The following ADAM32 variants were observed in gnomAD, a reference collection of about 807,000 sequenced individuals.
ADAM32 encodes disintegrin and metalloproteinase domain-containing protein 32.
ADAM32 carries 89 observed loss-of-function variants against 114.9 expected under a neutral mutation model. The observed-to-expected ratio is 0.77, with a 90% CI of 0.65 to 0.92. The LOEUF is 0.92. Among genes scored for constraint, ADAM32 ranks in the 40% least tolerant of loss-of-function variants. ADAM32 has a pLI of 0.00. For synonymous variants in ADAM32, 285 were observed against 307.5 expected (o/e 0.93, Z 0.77); for missense variants, 870 against 932.8 (o/e 0.93, Z 0.88).
intron 16 of ADAM32, among the ~76,000 whole-genome samples, chr8:39,241,934 G>A (rs1810588864): frequency 6.6e-6 from 1 of 152,130 alleles, no homozygotes; most frequent in African/African-American, 2.4e-5. Context: ...CCAAACTTTT[G>A]TGATCTGTTT....
chr8:39,253,011 C>A (rs897426898), intron 17 of ADAM32, among the ~76,000 whole-genome samples: 1 of 151,556 alleles, frequency 6.6e-6, no homozygotes, highest in East Asian at 1.9e-4. Context: ...AATAAAATTG[C>A]AGGCTAATAT....
chr8:39,228,233 A>C (rs919245484), intron 14 of ADAM32, among the ~76,000 whole-genome samples: 1 of 152,336 alleles, frequency 6.6e-6, no homozygotes, highest in African/African-American at 2.4e-5. Context: ...ATGAGAAGGA[A>C]CCAGAAAACC....
At chr8:39,224,385 C>T (rs1809198765) in intron 14 of ADAM32, among the ~76,000 whole-genome samples, 1 of 152,062 alleles carries the variant, frequency 6.6e-6, no homozygotes, top group Non-Finnish European at 1.5e-5. Context: ...ACTTATATTC[C>T]CACTGACAGT....
chr8:39,221,900 T>A (rs1349795394), intron 13 of ADAM32, among the ~76,000 whole-genome samples, 198 bp downstream of exon 13: 1 of 152,068 alleles, frequency 6.6e-6, no homozygotes, highest in African/African-American at 2.4e-5. Context: ...TTCACTAAGT[T>A]GATGCTGTTT....
At chr8:39,161,112 T>C in intron 7 of ADAM32, 147 bp downstream of exon 7, 1 of 704,754 alleles carries the variant, frequency 1.4e-6, no homozygotes, top group Non-Finnish European at 2.2e-6. Flanking sequence ...ACTGAGAAAC[T>C]AAATAGTCAA....
intron 5 of ADAM32, among the ~76,000 whole-genome samples, chr8:39,150,186 ACT>A (rs1226909626): frequency 1.3e-5 from 2 of 152,166 alleles, no homozygotes; most frequent in African/African-American, 4.8e-5. Context: ...CAGCTCAGTC[ACT>A]GTCTTGGAAA....
chr8:39,107,665 AC>A, upstream of ADAM32: 3 of 1,528,176 alleles, frequency 2.0e-6, no homozygotes, highest in Non-Finnish European at 2.6e-6. Flanking sequence ...CCTCCGGAGA[AC>A]GCTGTCCCAT....
At chr8:39,142,740 A>G (rs1400764007) in intron 3 of ADAM32, among the ~76,000 whole-genome samples, 1 of 152,092 alleles carries the variant, frequency 6.6e-6, no homozygotes, top group Non-Finnish European at 1.5e-5. Context: ...CTGAATTTGA[A>G]TGTTGGCCTG....
chr8:39,206,642 G>A (rs116700596), intron 11 of ADAM32, among the ~76,000 whole-genome samples: 4,071 of 152,304 alleles, frequency 0.027, 207 homozygotes, highest in African/African-American at 0.092. Flanking sequence ...CTTCATCCTT[G>A]AGGTCACCTT....
chr8:39,144,511 G>C (rs1007652203), intron 3 of ADAM32, among the ~76,000 whole-genome samples: 1 of 152,218 alleles, frequency 6.6e-6, no homozygotes, highest in Non-Finnish European at 1.5e-5. Flanking sequence ...TGGAGATGCT[G>C]GGTATGAAGT....
intron 6 of ADAM32, among the ~76,000 whole-genome samples, chr8:39,157,036 T>G (rs1804192791): frequency 6.6e-6 from 1 of 152,182 alleles, no homozygotes; most frequent in African/African-American, 2.4e-5. Flanking sequence ...TTCTCCTTCA[T>G]TTTTGAAGGA....
chr8:39,236,091 T>A (rs369719403), intron 16 of ADAM32, among the ~76,000 whole-genome samples: 22 of 152,324 alleles, frequency 1.4e-4, no homozygotes, highest in East Asian at 7.7e-4. Context: ...GTTGGGAATA[T>A]ATCTTCAGCC....
At position 39,187,136 on chromosome 8, in the gene ADAM32, AGC is replaced by A. The variant is rs1206383971; in HGVS notation, c.1052+92_1052+93del. ...TTAGTATTTACTTAAAGCACAAATTAGCTATCAATGGACCAAATTCACCAAGT... is the reference window on the plus strand; with the variant it reads ...TTAGTATTTACTTAAAGCACAAATTATATCAATGGACCAAATTCACCAAGT... On this transcript the variant is annotated intron_variant, in intron 11 of 24. Coordinates refer to ENST00000379907, the MANE Select transcript of ADAM32 (RefSeq NM_145004.7). 7.2e-5 allele frequency: 90 copies of A among 1,245,436 alleles called. No homozygotes were observed. In the African/African-American group the frequency reaches 1.0e-3, roughly 14 times the overall value. The allele number at this position is 1,245,436 out of a possible 1,614,324, so 77.1% of individuals were successfully genotyped here.
chr8:39,179,384 G>A (rs536962989), intron 10 of ADAM32, among the ~76,000 whole-genome samples: 3 of 152,296 alleles, frequency 2.0e-5, no homozygotes, highest in Admixed American at 6.5e-5. Flanking sequence ...TGTGGAAGTC[G>A]GGCCTGCAGA....
intron 6 of ADAM32, among the ~76,000 whole-genome samples, chr8:39,159,623 C>T (rs1345258363): frequency 3.9e-5 from 6 of 152,170 alleles, no homozygotes; most frequent in African/African-American, 9.7e-5. Flanking sequence ...GTCCGTTTTT[C>T]CTTGCTCCAG....
chr8:39,189,139 C>A (rs949000617), intron 11 of ADAM32, among the ~76,000 whole-genome samples: 1 of 152,128 alleles, frequency 6.6e-6, no homozygotes, highest in Non-Finnish European at 1.5e-5. Flanking sequence ...ATACTTAATT[C>A]TCACAGCCTC....
Position 39,199,614 on chromosome 8 carries a change from C to CT in ADAM32, c.1053-11521dup, listed in dbSNP as rs1414612457. ...AAATTATGAATTGTTTTCCTGATTT[C>CT]TTTTTTTTTAACTTTTTAAAATTAT... is the stretch of plus-strand genomic sequence containing the variant. On this transcript the variant is annotated intron_variant, in intron 11 of 24. Coordinates refer to ENST00000379907, the MANE Select transcript of ADAM32 (RefSeq NM_145004.7). Among the ~76,000 whole-genome samples, 14 of 150,336 alleles carry CT rather than the reference C, an allele frequency of 9.3e-5. No individual in the cohort carries two copies. The East Asian group carries it at 1.2e-3, about 13-fold the overall frequency.
At chr8:39,227,797 C>G (rs1423455986) in intron 14 of ADAM32, among the ~76,000 whole-genome samples, 6 of 152,170 alleles carry the variant, frequency 3.9e-5, no homozygotes, top group Non-Finnish European at 8.8e-5. Context: ...TAGGGCCCCA[C>G]CCACCACTGG....
At chr8:39,148,615 AT>A (rs1369481302) in intron 4 of ADAM32, among the ~76,000 whole-genome samples, 1 of 151,294 alleles carries the variant, frequency 6.6e-6, no homozygotes, top group African/African-American at 2.4e-5. Context: ...GGTCTGTTTT[AT>A]TTACTGATGT....
Sources: allele counts gnomAD v4.1 joint callset (sites outside exome capture counted in the v4.1 genomes callset), GRCh38; gene constraint gnomAD v4.1.1; transcripts MANE v1.5; gene names NCBI Gene and HGNC (gene_info 2026-07-23, HGNC 2026-07-21).